RBFOX1: variants seen among roughly 807,000 people sequenced by gnomAD.
The protein encoded by RBFOX1 is RNA binding fox-1 homolog 1, also known as RNA binding protein fox-1 homolog 1.
In RBFOX1, 8 loss-of-function variants were observed where a neutral mutation model predicts 57.7. That is an observed-to-expected ratio of 0.14 (90% CI 0.08 to 0.25). The LOEUF (loss-of-function observed/expected upper bound fraction) is 0.25, where lower values mean the gene tolerates loss of function less well. RBFOX1 is among the 10% of genes least tolerant of loss of function. The probability of loss-of-function intolerance (pLI) is 1.00; values close to 1 mark genes in which losing one functional copy is unlikely to be tolerated. For synonymous variants in RBFOX1, 326 were observed against 222.4 expected, an observed-to-expected ratio of 1.47 and a Z score of -4.15; for missense variants, 611 against 548.5, an observed-to-expected ratio of 1.11 and a Z score of -1.14.
At chr16:6,292,324 G>C (rs921945588) in intron 1 of RBFOX1, among the ~76,000 whole-genome samples, 2 of 150,250 alleles carry the variant, frequency 1.3e-5, no homozygotes, top group African/African-American at 4.9e-5. Context: ...CTGTCTGGTG[G>C]AACTACCACC....
At chr16:7,071,613 G>C (rs1368063176) in intron 4 of RBFOX1, among the ~76,000 whole-genome samples, 1 of 121,198 alleles carries the variant, frequency 8.3e-6, no homozygotes. Flanking sequence ...GTGTGTGTGT[G>C]TGTGTTTGTC....
intron 2 of RBFOX1, among the ~76,000 whole-genome samples, chr16:6,638,889 G>T (rs1409122369): frequency 6.6e-6 from 1 of 152,146 alleles, no homozygotes; most frequent in African/African-American, 2.4e-5. Flanking sequence ...CTCTAATCTT[G>T]TGGAAAGAAC....
At chr16:6,865,365 C>G (rs2059743974) in intron 3 of RBFOX1, among the ~76,000 whole-genome samples, 1 of 151,974 alleles carries the variant, frequency 6.6e-6, no homozygotes, top group Non-Finnish European at 1.5e-5. Context: ...TTGTAGATAA[C>G]ATGAAAAATG....
intron 4 of RBFOX1, among the ~76,000 whole-genome samples, chr16:7,144,164 T>G (rs898732002): frequency 3.3e-5 from 5 of 152,194 alleles, no homozygotes; most frequent in African/African-American, 1.2e-4. Flanking sequence ...AATGATTGTT[T>G]AAGAAAGGAC....
chr16:6,412,578 C>G (rs1418217098), intron 2 of RBFOX1, among the ~76,000 whole-genome samples: 1 of 152,160 alleles, frequency 6.6e-6, no homozygotes, highest in African/African-American at 2.4e-5. Flanking sequence ...TTCACCATGC[C>G]TCATAATAAG....
intron 3 of RBFOX1, among the ~76,000 whole-genome samples, chr16:5,739,952 G>T (rs117504874): frequency 6.6e-6 from 1 of 152,210 alleles, no homozygotes; most frequent in Non-Finnish European, 1.5e-5. Context: ...GAGGAGGTGG[G>T]GTGAGGCTGG....
intron 3 of RBFOX1, among the ~76,000 whole-genome samples, chr16:6,718,722 C>T (rs9937549): frequency 2.0e-5 from 3 of 152,060 alleles, no homozygotes; most frequent in Admixed American, 1.3e-4. Flanking sequence ...AAAGTGTGTA[C>T]CACTCACTGA....
At chr16:6,080,919 C>G (rs768112044) in intron 1 of RBFOX1, among the ~76,000 whole-genome samples, 3 of 152,142 alleles carry the variant, frequency 2.0e-5, no homozygotes, top group Non-Finnish European at 4.4e-5. Context: ...AAATCAAAGA[C>G]ATAGTCTGCA....
chr16:5,398,584 G>A (rs2151434032), intron 1 of RBFOX1, among the ~76,000 whole-genome samples: 1 of 152,220 alleles, frequency 6.6e-6, no homozygotes, highest in Non-Finnish European at 1.5e-5. Context: ...GTGTGTGTGT[G>A]TGTGTTGGGA....
intron 4 of RBFOX1, among the ~76,000 whole-genome samples, chr16:5,896,016 C>T (rs1039830452): frequency 6.6e-6 from 1 of 152,116 alleles, no homozygotes; most frequent in Non-Finnish European, 1.5e-5. Flanking sequence ...AATGTTCTGT[C>T]TTACGTTGGG....
At chr16:7,496,285 G>T (rs767329411) in intron 4 of RBFOX1, among the ~76,000 whole-genome samples, 18 of 152,198 alleles carry the variant, frequency 1.2e-4, no homozygotes, top group Non-Finnish European at 2.2e-4. Flanking sequence ...TGGAATTACA[G>T]GCATGTGCCA....
intron 4 of RBFOX1, among the ~76,000 whole-genome samples, chr16:7,278,468 T>C (rs2095482328): frequency 6.6e-6 from 1 of 152,224 alleles, no homozygotes; most frequent in South Asian, 2.1e-4. Context: ...TAAATATATT[T>C]ACTTTCATCA....
chr16:6,054,461 A>T (rs2095590034), intron 1 of RBFOX1, among the ~76,000 whole-genome samples: 1 of 152,296 alleles, frequency 6.6e-6, no homozygotes, highest in East Asian at 1.9e-4. Flanking sequence ...TGTCTTTCCC[A>T]CTTGACAGAC....
chr16:5,765,050 A>G (rs551446210), intron 3 of RBFOX1, among the ~76,000 whole-genome samples: 4 of 152,190 alleles, frequency 2.6e-5, no homozygotes, highest in Admixed American at 2.6e-4. Flanking sequence ...AACACCATCA[A>G]ATGTCACCAG....
chr16:6,805,796 T>G (rs2086625764), intron 3 of RBFOX1, among the ~76,000 whole-genome samples: 1 of 152,164 alleles, frequency 6.6e-6, no homozygotes, highest in Non-Finnish European at 1.5e-5. Flanking sequence ...CATGTGGAGA[T>G]TTTCACATCT....
intron 3 of RBFOX1, among the ~76,000 whole-genome samples, chr16:6,714,107 C>G (rs1486355439): frequency 6.6e-6 from 1 of 152,126 alleles, no homozygotes; most frequent in Non-Finnish European, 1.5e-5. Context: ...TTCACAAGAT[C>G]TAATGGTTTT....
At chr16:7,275,282 C>G (rs142914931) in intron 4 of RBFOX1, among the ~76,000 whole-genome samples, 15 of 152,274 alleles carry the variant, frequency 9.9e-5, no homozygotes, top group Admixed American at 9.2e-4. Flanking sequence ...TTAGATATTC[C>G]ATGAAAACTT....
chr16:5,889,281 C>G lies in RBFOX1; in HGVS notation c.351+21946C>G, dbSNP rs74798981. Among the ~76,000 whole-genome samples the G allele has an allele frequency of 1.8e-3, 275 of 152,260 alleles. 2 individuals carry two copies. The highest frequency in any genetic ancestry group is 6.5e-3 in the African/African-American group (268 of 41,544). Reference sequence around the variant, plus strand: ...TGTGTGCCATTCCTCCCCATGTGTTCTCATCATTCAGCTCCCCCTTATAAG... The same window carrying G: ...TGTGTGCCATTCCTCCCCATGTGTTGTCATCATTCAGCTCCCCCTTATAAG... On this transcript the variant is annotated intron_variant, in intron 4 of 19. Coordinates refer to the RBFOX1 transcript ENST00000641259.
At chr16:5,816,808 T>C (rs1322892953) in intron 3 of RBFOX1, among the ~76,000 whole-genome samples, 2 of 152,090 alleles carry the variant, frequency 1.3e-5, no homozygotes, top group Non-Finnish European at 2.9e-5. Flanking sequence ...TAGCCCTAGA[T>C]CTAGGCTGAA....
Sources: gnomAD v4.1 joint callset for allele counts (sites outside exome capture counted in the v4.1 genomes callset) on GRCh38, gnomAD v4.1.1 for gene constraint, MANE v1.5 for transcripts, NCBI Gene and HGNC (gene_info 2026-07-23, HGNC 2026-07-21) for gene names.